CERKL: variants seen among roughly 807,000 people sequenced by gnomAD.
CERKL encodes the protein CERK like autophagy regulator, also known as ceramide kinase-like protein.
Under a neutral mutation model 63.4 loss-of-function variants are expected in CERKL, and 61 were observed. That is an observed-to-expected ratio of 0.96 (90% CI 0.78 to 1.19). The LOEUF (loss-of-function observed/expected upper bound fraction) is 1.19, where lower values mean the gene tolerates loss of function less well. CERKL is among the 50% of genes most tolerant of loss of function. The probability of loss-of-function intolerance (pLI) is 0.00; values close to 1 mark genes in which losing one functional copy is unlikely to be tolerated. For missense variants in CERKL, 675 were observed against 655.5 expected, an observed-to-expected ratio of 1.03 and a Z score of -0.33; for synonymous variants, 250 against 230.5, an observed-to-expected ratio of 1.08 and a Z score of -0.77.
intron 11 of CERKL, among the ~76,000 whole-genome samples, chr2:181,543,506 C>T (rs16867445): frequency 0.15 from 22,060 of 152,084 alleles, 1,765 homozygotes; most frequent in East Asian, 0.22. Context: ...AATAATGTTA[C>T]TGACAGATCA....
At chr2:181,642,390 A>T (rs953363162) in intron 1 of CERKL, among the ~76,000 whole-genome samples, 1 of 152,036 alleles carries the variant, frequency 6.6e-6, no homozygotes, top group Non-Finnish European at 1.5e-5. Flanking sequence ...TTGCTCTACT[A>T]AGTCTCACGT....
At chr2:181,597,134 G>A (rs1685250166) in intron 2 of CERKL, among the ~76,000 whole-genome samples, 1 of 152,090 alleles carries the variant, frequency 6.6e-6, no homozygotes, top group South Asian at 2.1e-4. Context: ...AGAGTAGAAA[G>A]GGTTCAAATC....
At chr2:181,615,323 T>C (rs2105910385) in intron 1 of CERKL, among the ~76,000 whole-genome samples, 1 of 152,322 alleles carries the variant, frequency 6.6e-6, no homozygotes, top group South Asian at 2.1e-4. Flanking sequence ...CCAACAAGAC[T>C]TAAGAATATT....
chr2:181,564,546 T>C (rs773694833), intron 4 of CERKL, among the ~76,000 whole-genome samples: 7 of 152,184 alleles, frequency 4.6e-5, no homozygotes, highest in Non-Finnish European at 7.3e-5. Flanking sequence ...AATATTATTG[T>C]ACTACACTTC....
intron 2 of CERKL, among the ~76,000 whole-genome samples, chr2:181,592,642 G>A (rs780188660): frequency 9.2e-5 from 14 of 152,142 alleles, no homozygotes; most frequent in Admixed American, 9.2e-4. Context: ...TATGGAGTAC[G>A]CCTCCTAACT....
chr2:181,558,800 T>C lies in CERKL; in HGVS notation c.678-92A>G. On this transcript the variant is annotated intron_variant, in intron 4 of 12. Coordinates refer to ENST00000410087, the MANE Select transcript of CERKL (RefSeq NM_201548.5). This position sits in a 1 kb window ranked among gnomAD's most constrained non-coding sequence, Gnocchi z 4.2. ...TAGACTTCAAAATAGTTTACTAATT[T>C]GTAGTCTATGTGCATAACTGCTCAC... The C allele has an allele frequency of 7.7e-7, 1 of 1,296,892 alleles. No individual in the cohort carries two copies. 80.3% of individuals were successfully genotyped at this position (1,296,892 alleles called of 1,614,324 possible). A position where few individuals can be genotyped will look rare whatever the true frequency, so the allele number is the denominator to read the frequency against.
intron 5 of CERKL, among the ~76,000 whole-genome samples, chr2:181,557,482 G>A (rs368155815): frequency 2.6e-4 from 40 of 152,134 alleles, no homozygotes; most frequent in African/African-American, 7.9e-4. Context: ...TCCCAGCACC[G>A]TTCGTTAAAT....
intron 8 of CERKL, chr2:181,548,059 G>A: frequency 1.6e-6 from 1 of 609,158 alleles, no homozygotes; most frequent in Non-Finnish European, 2.9e-6. Flanking sequence ...AGTATTATAA[G>A]GAATAATAAT....
intron 1 of CERKL, among the ~76,000 whole-genome samples, chr2:181,651,483 A>T (rs1302796415): frequency 6.6e-6 from 1 of 152,242 alleles, no homozygotes; most frequent in Admixed American, 6.5e-5. Context: ...TTTCATGATT[A>T]AAAACCCAAC....
intron 5 of CERKL, among the ~76,000 whole-genome samples, chr2:181,556,556 C>T (rs1688214379): frequency 1.3e-5 from 2 of 152,098 alleles, no homozygotes; most frequent in African/African-American, 4.8e-5. Flanking sequence ...ATCCATGTCC[C>T]TACAAAGGAT....
At chr2:181,556,814 G>A (rs1343955592) in intron 5 of CERKL, among the ~76,000 whole-genome samples, 4 of 152,156 alleles carry the variant, frequency 2.6e-5, no homozygotes, top group Non-Finnish European at 5.9e-5. Context: ...CTGAGGAATT[G>A]CCACACTGTC....
chr2:181,579,867 C>T (rs181797557), intron 2 of CERKL, among the ~76,000 whole-genome samples: 42 of 152,002 alleles, frequency 2.8e-4, no homozygotes, highest in African/African-American at 9.7e-4. Flanking sequence ...ATTTTAAATG[C>T]CACCTTTAGA....
rs539037576 is a variant in CERKL, at chr2:181,615,463, T to A, written c.239-11384A>T. ...ACCGTAAACAGGATTAGAGCTGGAT[T>A]TATCTGCTTGGCGCTAATTGTGCTC... On this transcript the variant is annotated intron_variant, in intron 1 of 12. Coordinates refer to ENST00000410087, the MANE Select transcript of CERKL (RefSeq NM_201548.5). Among the ~76,000 whole-genome samples, 3 of 152,368 alleles carry A rather than the reference T, an allele frequency of 2.0e-5. No homozygotes were observed. The South Asian group carries it at 6.2e-4, about 32-fold the overall frequency.
chr2:181,634,552 G>A (rs773085427), intron 1 of CERKL, among the ~76,000 whole-genome samples: 3 of 152,044 alleles, frequency 2.0e-5, no homozygotes, highest in Admixed American at 1.3e-4. Context: ...TAGACAGTAC[G>A]TAGAATTTTC....
intron 2 of CERKL, among the ~76,000 whole-genome samples, chr2:181,598,109 T>G (rs1685297680): frequency 6.6e-6 from 1 of 152,004 alleles, no homozygotes; most frequent in South Asian, 2.1e-4. Context: ...AGAAAGAGTT[T>G]TTCATGGTTT....
At chr2:181,640,293 T>C (rs750438664) in intron 1 of CERKL, among the ~76,000 whole-genome samples, 2 of 152,172 alleles carry the variant, frequency 1.3e-5, no homozygotes, top group Non-Finnish European at 2.9e-5. Context: ...TTTAGAGTCA[T>C]GGCTGAGAGT....
Position 181,547,814 on chromosome 2 carries a change from C to T in CERKL, c.1159+8G>A, listed in dbSNP as rs201778792. 91 of 1,613,938 alleles carry T rather than the reference C, an allele frequency of 5.6e-5. No homozygotes were observed. In the East Asian group the frequency reaches 6.5e-4, roughly 11 times the overall value. On this transcript the variant is annotated splice_region_variant and intron_variant, in intron 9 of 12. Coordinates refer to ENST00000410087, the MANE Select transcript of CERKL (RefSeq NM_201548.5). Reference sequence around the variant, plus strand: ...GCACAGTTCTCAAGGAGATACTTTTCGACTCACCAGATTTGGGAGATCCCT... The same window carrying T: ...GCACAGTTCTCAAGGAGATACTTTTTGACTCACCAGATTTGGGAGATCCCT...
chr2:181,585,402 A>G (rs1329995401), intron 2 of CERKL, among the ~76,000 whole-genome samples: 6 of 152,232 alleles, frequency 3.9e-5, no homozygotes, highest in Admixed American at 3.9e-4. Flanking sequence ...ACAACACTGC[A>G]AAACAATCAT....
At chr2:181,574,408 T>C (rs1330553300) in intron 2 of CERKL, among the ~76,000 whole-genome samples, 1 of 152,148 alleles carries the variant, frequency 6.6e-6, no homozygotes, top group African/African-American at 2.4e-5. Flanking sequence ...CCAAGTGCAG[T>C]GCATGCTGGG....
Sources: allele counts gnomAD v4.1 joint callset (sites outside exome capture counted in the v4.1 genomes callset), GRCh38; gene constraint gnomAD v4.1.1; non-coding constraint Gnocchi (gnomAD v3.1); transcripts MANE v1.5; gene names NCBI Gene and HGNC (gene_info 2026-07-23, HGNC 2026-07-21).